The following SPMIP2 variants were observed in gnomAD, a reference collection of about 807,000 sequenced individuals.
The protein encoded by SPMIP2 is sperm microtubule inner protein 2, also known as protein SPMIP2.
chr4:159,054,037 A>G, the SPMIP2 span, among the ~76,000 whole-genome samples: 21 of 152,288 alleles, frequency 1.4e-4, no homozygotes, highest in Non-Finnish European at 3.1e-4. Context: ...ATAGTGGTGC[A>G]ATCGTCACTC....
chr4:158,952,680 G>C, the SPMIP2 span, among the ~76,000 whole-genome samples: 8 of 152,190 alleles, frequency 5.3e-5, no homozygotes, highest in Non-Finnish European at 1.2e-4. Context: ...ACAGGAAAAT[G>C]TGAGAAAGTT....
At chr4:158,904,925 T>A in the SPMIP2 span, 1 of 160,694 alleles carries the variant, frequency 6.2e-6, no homozygotes, top group Admixed American at 6.3e-5. Context: ...AATATTCCAG[T>A]AGGAAACTGC....
At chr4:158,974,260 A>C in the SPMIP2 span, among the ~76,000 whole-genome samples, 1 of 152,080 alleles carries the variant, frequency 6.6e-6, no homozygotes, top group Admixed American at 6.5e-5. Flanking sequence ...TTATAGAAAT[A>C]GGTGAAAAAA....
chr4:158,962,471 G>A, the SPMIP2 span, among the ~76,000 whole-genome samples: 1 of 152,072 alleles, frequency 6.6e-6, no homozygotes, highest in Non-Finnish European at 1.5e-5. Flanking sequence ...AGACACTAAG[G>A]GTTTTCTTCT....
the SPMIP2 span, among the ~76,000 whole-genome samples, chr4:159,024,111 C>G: frequency 6.6e-6 from 1 of 152,164 alleles, no homozygotes; most frequent in Non-Finnish European, 1.5e-5. Flanking sequence ...AAATGACCAC[C>G]TCTCCTGCAA....
the SPMIP2 span, among the ~76,000 whole-genome samples, chr4:159,028,592 A>C: frequency 5.5e-4 from 84 of 152,238 alleles, no homozygotes; most frequent in African/African-American, 1.8e-3. Context: ...CTTCCTTCCA[A>C]AATGCTAGGA....
At chr4:158,994,780 C>T in the SPMIP2 span, among the ~76,000 whole-genome samples, 2 of 152,106 alleles carry the variant, frequency 1.3e-5, no homozygotes, top group East Asian at 1.9e-4. Flanking sequence ...CTAATGGGCA[C>T]GTCTGACATG....
chr4:158,960,201 A>C, the SPMIP2 span: 4 of 805,088 alleles, frequency 5.0e-6, no homozygotes, highest in Non-Finnish European at 8.0e-6. Context: ...GTGTTAATAT[A>C]CTTAAAAGTT....
the SPMIP2 span, among the ~76,000 whole-genome samples, chr4:159,024,203 C>T: frequency 1.3e-5 from 2 of 152,080 alleles, no homozygotes; most frequent in African/African-American, 2.4e-5. Context: ...ATGATTTGAC[C>T]AACTAAATGA....
chr4:159,061,108 TAC>T, the SPMIP2 span, among the ~76,000 whole-genome samples: 2 of 145,014 alleles, frequency 1.4e-5, no homozygotes, highest in Non-Finnish European at 3.0e-5. Context: ...TATATATATA[TAC>T]ATATATATAT....
chr4:158,911,110 G>A, the SPMIP2 span, among the ~76,000 whole-genome samples: 6 of 152,122 alleles, frequency 3.9e-5, no homozygotes, highest in Admixed American at 1.3e-4. Context: ...TAGATGTCAC[G>A]TAGTCTCTGA....
At chr4:159,051,339 G>T in the SPMIP2 span, among the ~76,000 whole-genome samples, 1 of 152,018 alleles carries the variant, frequency 6.6e-6, no homozygotes, top group Non-Finnish European at 1.5e-5. Context: ...TGGACTTTTG[G>T]GGGGAGCTTC....
At chr4:158,990,910 T>C in the SPMIP2 span, among the ~76,000 whole-genome samples, 2 of 152,148 alleles carry the variant, frequency 1.3e-5, no homozygotes. Context: ...ATAAATTCAT[T>C]TTTTAAAAAG....
chr4:158,955,421 T>G, the SPMIP2 span, among the ~76,000 whole-genome samples: 2 of 152,236 alleles, frequency 1.3e-5, no homozygotes, highest in Non-Finnish European at 2.9e-5. Flanking sequence ...TTTTGTTTTT[T>G]TGAGACAGAG....
chr4:159,004,182 A>G, the SPMIP2 span, among the ~76,000 whole-genome samples: 1 of 150,510 alleles, frequency 6.6e-6, no homozygotes, highest in East Asian at 2.0e-4. Flanking sequence ...ACACCTGGCT[A>G]ATTTTTTGTT....
chr4:158,986,121 A>G, the SPMIP2 span, among the ~76,000 whole-genome samples: 2 of 150,786 alleles, frequency 1.3e-5, no homozygotes, highest in African/African-American at 2.4e-5. Flanking sequence ...ACCACTGTTC[A>G]AGGAAATAAA....
the SPMIP2 span, among the ~76,000 whole-genome samples, chr4:158,913,965 G>A: frequency 6.6e-6 from 1 of 152,166 alleles, no homozygotes; most frequent in African/African-American, 2.4e-5. Context: ...AACAACAGAT[G>A]GGGCTGGGGA....
chr4:158,970,146 C>T, the SPMIP2 span, among the ~76,000 whole-genome samples: 1,547 of 152,266 alleles, frequency 0.01, 24 homozygotes, highest in African/African-American at 0.035. Context: ...GTGTATGTAT[C>T]GGCTCAAGTG....
the SPMIP2 span, among the ~76,000 whole-genome samples, chr4:159,052,575 ATGC>A: frequency 6.6e-6 from 1 of 152,094 alleles, no homozygotes; most frequent in Non-Finnish European, 1.5e-5. Context: ...TGGGGTAGTG[ATGC>A]TGCTATCTGT....
Sources: allele counts gnomAD v4.1 joint callset (sites outside exome capture counted in the v4.1 genomes callset), GRCh38; gene constraint gnomAD v4.1.1; transcripts MANE v1.5; gene names NCBI Gene and HGNC (gene_info 2026-07-23, HGNC 2026-07-21).